The following DVL3 variants were observed in gnomAD, a reference collection of about 807,000 sequenced individuals.
The protein encoded by DVL3 is dishevelled segment polarity protein 3, also known as segment polarity protein dishevelled homolog DVL-3.
DVL3 carries 27 observed loss-of-function variants against 67.4 expected under a neutral mutation model. That is an observed-to-expected ratio of 0.40 (90% confidence interval 0.30 to 0.55). The LOEUF (loss-of-function observed/expected upper bound fraction) is 0.55, where lower values mean the gene tolerates loss of function less well. Ranked by LOEUF, DVL3 falls within the 20% of genes least tolerant of loss-of-function variation. The probability of loss-of-function intolerance (pLI) is 0.46; values close to 1 mark genes in which losing one functional copy is unlikely to be tolerated. For synonymous variants in DVL3, 369 were observed against 396.8 expected (o/e 0.93, Z 0.83); for missense variants, 819 against 1,021.5 (o/e 0.80, Z 2.70).
At chr3:184,161,352 G>C (rs1372847707) in intron 1 of DVL3, among the ~76,000 whole-genome samples, 1 of 152,082 alleles carries the variant, frequency 6.6e-6, no homozygotes, top group Admixed American at 6.5e-5. Context: ...ACTTGAACCC[G>C]GGAGGCGCAG....
Position 184,167,781 on chromosome 3 carries a change from G to A in DVL3, c.1330+70G>A, listed in dbSNP as rs574867140. 121 of 1,591,564 alleles carry A rather than the reference G, an allele frequency of 7.6e-5. 1 individual carries two copies. The East Asian group carries it at 2.6e-3, about 34-fold the overall frequency. The stretch of plus-strand genomic sequence containing the variant: ...GGGGCAGGGCAGGCCGGAGGGCCCA[G>A]GACTTGCCTTGGACCCTTCCTTTGA... On this transcript the variant is annotated intron_variant, in intron 12 of 14. Transcript: ENST00000313143. The surrounding 1 kb of genome is among the most constrained non-coding windows in gnomAD (Gnocchi z 4.6).
At position 184,155,462 on chromosome 3, in the gene DVL3, C is replaced by CG; in HGVS notation, c.-172dup. On this transcript the variant is annotated 5_prime_UTR_variant, in exon 1 of 15. Coordinates refer to ENST00000313143, the MANE Select transcript of DVL3 (RefSeq NM_004423.4). The surrounding 1 kb of genome is among the most constrained non-coding windows in gnomAD (Gnocchi z 5.4). Reference sequence around the variant, plus strand: ...GGAGCGGAAGCGGCGGCCGCGGCGGCGGCGGGCGGCGCTGGGACCCGGTAG... The same window carrying CG: ...GGAGCGGAAGCGGCGGCCGCGGCGGCGGGCGGGCGGCGCTGGGACCCGGTAG... 1 of 183,406 alleles carries CG rather than the reference C, an allele frequency of 5.5e-6. No homozygotes were observed. The highest frequency in any genetic ancestry group is 2.4e-5 in the African/African-American group (1 of 41,376). 11.4% of individuals were successfully genotyped at this position (183,406 alleles called of 1,614,324 possible). A position where few individuals can be genotyped will look rare whatever the true frequency, so the allele number is the denominator to read the frequency against.
chr3:184,163,939 A>G lies in DVL3; in HGVS notation c.231+213A>G, dbSNP rs2109020726. Among the ~76,000 whole-genome samples, 1 of 152,298 alleles carries G rather than the reference A, an allele frequency of 6.6e-6. No homozygotes were observed. The highest frequency in any genetic ancestry group is 6.5e-5 in the Admixed American group (1 of 15,296). ...GGGGAAGAGGGAGAGACGGAAACACACAGTGGAGACAGTAACGTTTCCTAT... is the reference window on the plus strand; with the variant it reads ...GGGGAAGAGGGAGAGACGGAAACACGCAGTGGAGACAGTAACGTTTCCTAT... On this transcript the variant is annotated intron_variant, in intron 2 of 14. Transcript: ENST00000313143. The surrounding 1 kb of genome is among the most constrained non-coding windows in gnomAD (Gnocchi z 4.5).
intron 1 of DVL3, chr3:184,156,770 C>T: frequency 3.5e-6 from 1 of 284,212 alleles, no homozygotes; most frequent in Non-Finnish European, 7.0e-6. Flanking sequence ...GGGGGAGGCG[C>T]CCACACTTGC....
At chr3:184,169,421 G>C (rs1167231264) in intron 13 of DVL3, among the ~76,000 whole-genome samples, 1 of 152,202 alleles carries the variant, frequency 6.6e-6, no homozygotes, top group Non-Finnish European at 1.5e-5. Context: ...CAGGCCGGGC[G>C]CAGTGGCTCG....
rs1714876173 is a variant in DVL3, at chr3:184,172,420, T to C, written c.*1665T>C. ...TGGGGTAAACCAAGGTAGGAACATT[T>C]TGGCATTTATTTCAATTAACAATAC... On this transcript the variant is annotated 3_prime_UTR_variant, in exon 15 of 15. Coordinates refer to ENST00000313143, the MANE Select transcript of DVL3 (RefSeq NM_004423.4). The C allele has an allele frequency of 6.6e-6, 1 of 152,194 alleles. No homozygotes were observed. Among genetic ancestry groups the C allele is most frequent in the African/African-American group, 2.4e-5 (1 of 41,446 alleles). 9.4% of individuals were successfully genotyped at this position (152,194 alleles called of 1,614,324 possible).
In DVL3 at chr3:184,155,462, C is replaced by A; in HGVS notation, c.-174C>A. 1 of 183,412 alleles carries A rather than the reference C, an allele frequency of 5.5e-6. No homozygotes were observed. The highest frequency in any genetic ancestry group is 1.0e-5 in the Non-Finnish European group (1 of 98,396). The allele number at this position is 183,412 out of a possible 1,614,324, so 11.4% of individuals were successfully genotyped here. On this transcript the variant is annotated 5_prime_UTR_variant, in exon 1 of 15. Coordinates refer to ENST00000313143, the MANE Select transcript of DVL3 (RefSeq NM_004423.4). This position sits in a 1 kb window ranked among gnomAD's most constrained non-coding sequence, Gnocchi z 5.4. The stretch of plus-strand genomic sequence containing the variant: ...GGAGCGGAAGCGGCGGCCGCGGCGG[C>A]GGCGGGCGGCGCTGGGACCCGGTAG...
Position 184,167,996 on chromosome 3 carries a change from A to G in DVL3, c.1429A>G (p.Ile477Val), listed in dbSNP as rs765018237. 4.3e-6 allele frequency: 7 copies of G among 1,614,158 alleles called. 1 individual carries two copies. In the South Asian group the frequency reaches 5.5e-5, roughly 13 times the overall value. Residue 477 changes from isoleucine to valine, a missense_variant, in exon 13 of 15, where the codon ATC becomes GTC. Ile to Val is a conservative substitution (Grantham distance 29). Around this residue, in one of 3 missense-constraint regions of DVL3, gnomAD observed 110 missense variants for 203.4 expected, o/e 0.54. Coordinates refer to ENST00000313143, the MANE Select transcript of DVL3 (RefSeq NM_004423.4). The surrounding 1 kb of genome is among the most constrained non-coding windows in gnomAD (Gnocchi z 4.6). ...CAGCAACCTGCTGAAAGCTGGCTTC[A>G]TCCGCCATACCGTCAACAAGATCAC... is the stretch of plus-strand genomic sequence containing the variant. Reference protein sequence around the residue: ...YASNLLKAGFIRHTVNKITFS... With the variant: ...YASNLLKAGFVRHTVNKITFS...
chr3:184,160,603 C>A lies in DVL3; in HGVS notation c.162-3054C>A, dbSNP rs111785633. On this transcript the variant is annotated intron_variant, in intron 1 of 14. Coordinates refer to ENST00000313143, the MANE Select transcript of DVL3 (RefSeq NM_004423.4). The stretch of plus-strand genomic sequence containing the variant: ...TCAGCTCCATGGTGGGAGAGTAAGA[C>A]CTGTCTGAGGTTCCCCAAAGCTGCT... 1.3e-5 allele frequency among the ~76,000 whole-genome samples: 2 copies of A among 152,156 alleles called. 1 individual carries two copies. The highest frequency in any genetic ancestry group is 4.8e-5 in the African/African-American group (2 of 41,492).
rs1028384014 is a variant in DVL3 at position 184,165,296 on chromosome 3, C to T, written c.693+90C>T. The T allele has an allele frequency of 1.3e-6, 2 of 1,525,260 alleles. No individual in the cohort carries two copies. Among genetic ancestry groups the T allele is most frequent in the African/African-American group, 2.7e-5 (2 of 72,954 alleles). 94.5% of individuals were successfully genotyped at this position (1,525,260 alleles called of 1,614,324 possible). A position where few individuals can be genotyped will look rare whatever the true frequency, so the allele number is the denominator to read the frequency against. On this transcript the variant is annotated intron_variant, in intron 6 of 14. Transcript: ENST00000313143. This position sits in a 1 kb window ranked among gnomAD's most constrained non-coding sequence, Gnocchi z 4.1. ...AGGCTTGTTCTTCCTTAGATCCCATCCCCCTAGTGCAGTGTTGAGAACCTT... is the reference window on the plus strand; with the variant it reads ...AGGCTTGTTCTTCCTTAGATCCCATTCCCCTAGTGCAGTGTTGAGAACCTT...
intron 1 of DVL3, chr3:184,156,253 T>C (rs1045415790): frequency 2.0e-5 from 9 of 452,580 alleles, no homozygotes; most frequent in African/African-American, 1.8e-4. Flanking sequence ...ATATTTGGAG[T>C]ATGCTGCATC....
At position 184,165,304 on chromosome 3, in the gene DVL3, T is replaced by C; in HGVS notation, c.693+98T>C. ...TCTTCCTTAGATCCCATCCCCCTAG[T>C]GCAGTGTTGAGAACCTTGGGGCTGG... On this transcript the variant is annotated intron_variant, in intron 6 of 14. Coordinates refer to ENST00000313143, the MANE Select transcript of DVL3 (RefSeq NM_004423.4). This position sits in a 1 kb window ranked among gnomAD's most constrained non-coding sequence, Gnocchi z 4.1. 6.5e-7 allele frequency: 1 copy of C among 1,537,414 alleles called. No individual in the cohort carries two copies. Among genetic ancestry groups the C allele is most frequent in the Non-Finnish European group, 8.9e-7 (1 of 1,125,606 alleles).
chr3:184,158,961 A>G (rs538024749), intron 1 of DVL3, among the ~76,000 whole-genome samples: 2 of 151,766 alleles, frequency 1.3e-5, no homozygotes, highest in Non-Finnish European at 2.9e-5. Context: ...TTTTTGGTAG[A>G]GATGGGGTTT....
At chr3:184,161,105 A>G (rs922191693) in intron 1 of DVL3, among the ~76,000 whole-genome samples, 2 of 152,188 alleles carry the variant, frequency 1.3e-5, no homozygotes, top group African/African-American at 4.8e-5. Context: ...AGCCAAGCAC[A>G]TTCCCAGCTC....
In DVL3 at chr3:184,167,577, C is replaced by T; in HGVS notation, c.1199-3C>T. ...GCCTCACCATTCTGCCTCCCACCCCCAGGCCTAGACGACTTCCACTTGTCC... is the reference window on the plus strand; with the variant it reads ...GCCTCACCATTCTGCCTCCCACCCCTAGGCCTAGACGACTTCCACTTGTCC... On this transcript the variant is annotated splice_polypyrimidine_tract_variant and splice_region_variant and intron_variant, in intron 11 of 14. Coordinates refer to ENST00000313143, the MANE Select transcript of DVL3 (RefSeq NM_004423.4). The surrounding 1 kb of genome is among the most constrained non-coding windows in gnomAD (Gnocchi z 4.6). 1 of 1,613,246 alleles carries T rather than the reference C, an allele frequency of 6.2e-7. No homozygotes were observed. The highest frequency in any genetic ancestry group is 8.5e-7 in the Non-Finnish European group (1 of 1,180,006).
In DVL3 at chr3:184,170,620, G is replaced by T; in HGVS notation, c.2016G>T (p.Pro672=). ...CCCCCATGCTGATGATGCCCCCGCC[G>T]CCCGCGGCCATGGGGCCCCCAGGAG... ...YGPPMLMMPP[P]PAAMGPPGAP... Residue 672 remains proline (P), a synonymous_variant, in exon 15 of 15, where the codon CCG becomes CCT. Transcript: ENST00000313143. The surrounding 1 kb of genome is among the most constrained non-coding windows in gnomAD (Gnocchi z 6.5). 6.3e-7 allele frequency: 1 copy of T among 1,575,372 alleles called. No homozygotes were observed.
Position 184,167,857 on chromosome 3 carries a change from G to T in DVL3, c.1331-41G>T. 4 of 1,613,924 alleles carry T rather than the reference G, an allele frequency of 2.5e-6. No individual in the cohort carries two copies. The highest frequency in any genetic ancestry group is 3.4e-6 in the Non-Finnish European group (4 of 1,179,908). ...CTTCTGTGAGGCCAGATGAGTCCAA[G>T]TCAGATGGGCCTCCCCATCAACTGG... On this transcript the variant is annotated intron_variant, in intron 12 of 14. Coordinates refer to ENST00000313143, the MANE Select transcript of DVL3 (RefSeq NM_004423.4). This position sits in a 1 kb window ranked among gnomAD's most constrained non-coding sequence, Gnocchi z 4.6.
In DVL3 at chr3:184,163,087, A is replaced by G. The variant is rs1002489199; in HGVS notation, c.162-570A>G. 6.6e-6 allele frequency among the ~76,000 whole-genome samples: 1 copy of G among 152,084 alleles called. No homozygotes were observed. Among genetic ancestry groups the G allele is most frequent in the African/African-American group, 2.4e-5 (1 of 41,406 alleles). The stretch of plus-strand genomic sequence containing the variant: ...TTTTTAGTAGAGATGGGGTTTTGCC[A>G]TGTTAGCCAGGCTGGTCTCGTACTC... On this transcript the variant is annotated intron_variant, in intron 1 of 14. Coordinates refer to ENST00000313143, the MANE Select transcript of DVL3 (RefSeq NM_004423.4). This position sits in a 1 kb window ranked among gnomAD's most constrained non-coding sequence, Gnocchi z 4.5.
chr3:184,166,105 G>T lies in DVL3; in HGVS notation c.764-21G>T. 1 of 1,611,144 alleles carries T rather than the reference G, an allele frequency of 6.2e-7. No homozygotes were observed. The highest frequency in any genetic ancestry group is 1.1e-5 in the South Asian group (1 of 90,742). ...GGTAGGAACCTTGCTCCCCCTTAAGGTCTTAAATTACTCTCTATAGAAAAA... is the reference window on the plus strand; with the variant it reads ...GGTAGGAACCTTGCTCCCCCTTAAGTTCTTAAATTACTCTCTATAGAAAAA... On this transcript the variant is annotated intron_variant, in intron 7 of 14. Coordinates refer to ENST00000313143, the MANE Select transcript of DVL3 (RefSeq NM_004423.4). This position sits in a 1 kb window ranked among gnomAD's most constrained non-coding sequence, Gnocchi z 6.7.
Sources: allele counts gnomAD v4.1 joint callset (sites outside exome capture counted in the v4.1 genomes callset), GRCh38; gene constraint gnomAD v4.1.1; regional missense constraint gnomAD v4.1.1; non-coding constraint Gnocchi (gnomAD v3.1); transcripts MANE v1.5; gene names NCBI Gene and HGNC (gene_info 2026-07-23, HGNC 2026-07-21).